Variants in PCDH7 observed in about 807,000 individuals in gnomAD.
PCDH7 encodes the protein protocadherin 7.
Under a neutral mutation model 58.9 loss-of-function variants are expected in PCDH7, and 17 were observed. The ratio of observed to expected loss-of-function variants is 0.29; its 90% confidence interval spans 0.20 to 0.43. The LOEUF (loss-of-function observed/expected upper bound fraction) is 0.43, where lower values mean the gene tolerates loss of function less well. Ranked by LOEUF, PCDH7 falls within the 20% of genes least tolerant of loss-of-function variation. The pLI, the probability that PCDH7 is intolerant of heterozygous loss-of-function variation, is 1.00. For missense variants in PCDH7, 1,274 were observed against 1,441.0 expected, an observed-to-expected ratio of 0.88 and a Z score of 1.88; for synonymous variants, 664 against 616.4, an observed-to-expected ratio of 1.08 and a Z score of -1.14.
chr4:30,942,073 G>A (rs970746863), intron 2 of PCDH7, among the ~76,000 whole-genome samples: 1 of 151,698 alleles, frequency 6.6e-6, no homozygotes, highest in Non-Finnish European at 1.5e-5. Flanking sequence ...CATGAGTTTG[G>A]AGACCATGTT....
At chr4:31,132,329 C>T (rs1216777084) in intron 3 of PCDH7, among the ~76,000 whole-genome samples, 1 of 151,986 alleles carries the variant, frequency 6.6e-6, no homozygotes, top group African/African-American at 2.4e-5. Context: ...TGGGGGATAG[C>T]AAAGATAAAA....
chr4:30,925,318 C>T (rs1375465396), intron 2 of PCDH7, among the ~76,000 whole-genome samples: 2 of 152,082 alleles, frequency 1.3e-5, no homozygotes, highest in Non-Finnish European at 2.9e-5. Context: ...AAAGGACCTC[C>T]TCTTTCTCTC....
intron 3 of PCDH7, among the ~76,000 whole-genome samples, chr4:30,961,902 A>AT (rs1475851444): frequency 6.6e-6 from 1 of 152,174 alleles, no homozygotes; most frequent in Non-Finnish European, 1.5e-5. Flanking sequence ...ATAGGGTGGT[A>AT]TTTGAAATTT....
intron 1 of PCDH7, among the ~76,000 whole-genome samples, chr4:30,913,661 C>T (rs758226588): frequency 1.3e-5 from 2 of 152,094 alleles, no homozygotes; most frequent in Non-Finnish European, 2.9e-5. Context: ...CAAATGCTCA[C>T]GTCATTTTCC....
chr4:31,121,764 A>G (rs1466529002), intron 3 of PCDH7, among the ~76,000 whole-genome samples: 1 of 152,186 alleles, frequency 6.6e-6, no homozygotes, highest in Non-Finnish European at 1.5e-5. Context: ...TTAGTTTAAA[A>G]TAACCTAATT....
chr4:30,954,571 CTGCTT>C (rs1197070987), intron 3 of PCDH7, among the ~76,000 whole-genome samples: 7 of 152,114 alleles, frequency 4.6e-5, no homozygotes, highest in Admixed American at 6.6e-5. Flanking sequence ...GAACATGTAT[CTGCTT>C]TGCTATCACT....
intron 3 of PCDH7, among the ~76,000 whole-genome samples, chr4:31,118,188 A>G (rs1274298607): frequency 6.6e-6 from 1 of 152,158 alleles, no homozygotes; most frequent in Non-Finnish European, 1.5e-5. Flanking sequence ...GACTTATAAA[A>G]ACCCATGGTT....
intron 3 of PCDH7, among the ~76,000 whole-genome samples, chr4:31,100,261 C>A (rs1560224354): frequency 1.3e-5 from 2 of 152,018 alleles, no homozygotes; most frequent in East Asian, 3.9e-4. Context: ...ATGGAGATAT[C>A]GGGGGGATCA....
intron 3 of PCDH7, among the ~76,000 whole-genome samples, chr4:30,980,310 C>T (rs956945206): frequency 6.6e-6 from 1 of 152,128 alleles, no homozygotes; most frequent in Non-Finnish European, 1.5e-5. Context: ...CATGCTACAT[C>T]ATTATCAAAA....
At chr4:30,837,572 A>C (rs1264703258) in intron 1 of PCDH7, among the ~76,000 whole-genome samples, 1 of 151,920 alleles carries the variant, frequency 6.6e-6, no homozygotes, top group East Asian at 1.9e-4. Context: ...AAACGAGAAT[A>C]GAGGGGAGTA....
intron 1 of PCDH7, among the ~76,000 whole-genome samples, chr4:30,893,051 G>A (rs1230712988): frequency 2.6e-5 from 4 of 151,930 alleles, no homozygotes; most frequent in Admixed American, 6.6e-5. Flanking sequence ...GACTATCATT[G>A]TTTAAAATGT....
At chr4:31,053,975 T>C (rs1756950486) in intron 3 of PCDH7, among the ~76,000 whole-genome samples, 1 of 152,174 alleles carries the variant, frequency 6.6e-6, no homozygotes, top group Non-Finnish European at 1.5e-5. Context: ...TTTGTTGTTT[T>C]TTGAGACATG....
chr4:31,062,558 T>A lies in PCDH7; in HGVS notation c.*8-79915T>A, dbSNP rs1757771913. Among the ~76,000 whole-genome samples the A allele has an allele frequency of 2.6e-5, 4 of 151,818 alleles. No homozygotes were observed. In the South Asian group the frequency reaches 8.3e-4, roughly 31 times the overall value. ...CTTCTGAGTTGTAGAGGTGCCTGCC[T>A]CTCAGTGCCAAATCAACAACTGATT... On this transcript the variant is annotated intron_variant, in intron 3 of 3. Coordinates refer to the PCDH7 transcript ENST00000509759.
intron 2 of PCDH7, among the ~76,000 whole-genome samples, chr4:30,946,749 C>CCAG (rs1256049246): frequency 7.3e-6 from 1 of 137,732 alleles, no homozygotes; most frequent in East Asian, 2.2e-4. Flanking sequence ...GCTCTGTCAC[C>CCAG]CAGGCTGGAG....
At chr4:31,125,916 T>C (rs1276402185) in intron 3 of PCDH7, among the ~76,000 whole-genome samples, 2 of 152,172 alleles carry the variant, frequency 1.3e-5, no homozygotes, top group Non-Finnish European at 2.9e-5. Context: ...TGTACATTTA[T>C]GTCTTGTGGA....
At chr4:31,126,859 T>C (rs952436287) in intron 3 of PCDH7, among the ~76,000 whole-genome samples, 8 of 152,216 alleles carry the variant, frequency 5.3e-5, no homozygotes, top group African/African-American at 1.9e-4. Context: ...ATCTATTTGT[T>C]TCTGATAGGA....
chr4:30,736,415 G>A (rs1716266482), downstream of PCDH7, among the ~76,000 whole-genome samples: 1 of 152,044 alleles, frequency 6.6e-6, no homozygotes, highest in African/African-American at 2.4e-5. Context: ...TTAAAAAATC[G>A]GGGTGATCTC....
At chr4:30,835,183 G>C (rs952850049) in intron 1 of PCDH7, among the ~76,000 whole-genome samples, 1 of 152,040 alleles carries the variant, frequency 6.6e-6, no homozygotes. Flanking sequence ...AGTCATTCCC[G>C]GGAGCGCAGA....
rs187065036 is a variant in PCDH7, at chr4:31,002,805, T to A, written c.*7+52590T>A. Among the ~76,000 whole-genome samples the A allele has an allele frequency of 1.6e-4, 24 of 152,306 alleles. No homozygotes were observed. In the East Asian group the frequency reaches 4.6e-3, roughly 29 times the overall value. On this transcript the variant is annotated intron_variant, in intron 3 of 3. Transcript: ENST00000509759. The stretch of plus-strand genomic sequence containing the variant: ...CTATCTATAGTTATAGCCCCAAATA[T>A]TTTGACATGTGCATTCCTGTAATAT...
Sources: allele counts gnomAD v4.1 joint callset (sites outside exome capture counted in the v4.1 genomes callset), GRCh38; gene constraint gnomAD v4.1.1; transcripts MANE v1.5; gene names NCBI Gene and HGNC (gene_info 2026-07-23, HGNC 2026-07-21).